The following EDIL3 variants were observed in gnomAD, a reference collection of about 807,000 sequenced individuals.
The protein encoded by EDIL3 is EGF-like repeat and discoidin I-like domain-containing protein 3.
EDIL3 carries 37 observed loss-of-function variants against 67.4 expected under a neutral mutation model. That is an observed-to-expected ratio of 0.55 (90% CI 0.42 to 0.72). The LOEUF (loss-of-function observed/expected upper bound fraction) is 0.72. Ranked by LOEUF, EDIL3 falls within the 30% of genes least tolerant of loss-of-function variation. EDIL3 has a pLI of 0.00. For missense variants in EDIL3, 527 were observed against 586.3 expected, an observed-to-expected ratio of 0.90 and a Z score of 1.04; for synonymous variants, 195 against 196.3, an observed-to-expected ratio of 0.99 and a Z score of 0.05.
At chr5:84,129,512 A>G (rs1293315904) in intron 5 of EDIL3, among the ~76,000 whole-genome samples, 2 of 152,028 alleles carry the variant, frequency 1.3e-5, no homozygotes, top group Admixed American at 1.3e-4. Flanking sequence ...GCCTGAGGCA[A>G]ACTGTCCTTC....
intron 8 of EDIL3, among the ~76,000 whole-genome samples, chr5:84,060,791 T>C (rs1214756585): frequency 6.6e-6 from 1 of 152,222 alleles, no homozygotes; most frequent in Non-Finnish European, 1.5e-5. Flanking sequence ...AAATGCTCTC[T>C]CCTGTCTCAT....
At chr5:84,267,916 T>G (rs1745381811) in intron 1 of EDIL3, among the ~76,000 whole-genome samples, 1 of 152,096 alleles carries the variant, frequency 6.6e-6, no homozygotes, top group Non-Finnish European at 1.5e-5. Context: ...GCAGGCAGAC[T>G]ACCTGAGCTC....
intron 9 of EDIL3, 94 bp downstream of exon 9, chr5:84,060,206 C>T (rs1057219216): frequency 4.8e-5 from 67 of 1,401,092 alleles, no homozygotes; most frequent in Admixed American, 1.1e-4. Context: ...TTTAAATTAG[C>T]GTGAAGGTAA....
intron 4 of EDIL3, among the ~76,000 whole-genome samples, chr5:84,178,277 T>C (rs777564986): frequency 6.6e-6 from 1 of 152,206 alleles, no homozygotes; most frequent in Non-Finnish European, 1.5e-5. Flanking sequence ...GATGCCTGTT[T>C]ATCTGCATTT....
At chr5:84,011,817 G>A (rs1166145061) in intron 9 of EDIL3, among the ~76,000 whole-genome samples, 1 of 152,106 alleles carries the variant, frequency 6.6e-6, no homozygotes, top group Non-Finnish European at 1.5e-5. Context: ...CAAGTCTTTA[G>A]AGAGGTGGCC....
At chr5:84,170,556 T>C (rs563554434) in intron 4 of EDIL3, among the ~76,000 whole-genome samples, 1 of 152,248 alleles carries the variant, frequency 6.6e-6, no homozygotes, top group East Asian at 1.9e-4. Context: ...AAATAAGTTA[T>C]TTCCTCACAT....
intron 9 of EDIL3, among the ~76,000 whole-genome samples, chr5:83,998,253 A>C (rs1437361236): frequency 6.6e-6 from 1 of 152,164 alleles, no homozygotes; most frequent in Non-Finnish European, 1.5e-5. Flanking sequence ...CAACTTGGAC[A>C]TAGTAAAATA....
In EDIL3 at chr5:84,013,195, A is replaced by G. The variant is rs910682752; in HGVS notation, c.1137+47105T>C. 4.6e-5 allele frequency among the ~76,000 whole-genome samples: 7 copies of G among 152,110 alleles called. No homozygotes were observed. The East Asian group carries it at 1.3e-3, about 29-fold the overall frequency. Reference sequence around the variant, plus strand: ...TAATCATATACATATGTGTGTATATATATATGATATAACGTATCCTGTACA... The same window carrying G: ...TAATCATATACATATGTGTGTATATGTATATGATATAACGTATCCTGTACA... On this transcript the variant is annotated intron_variant, in intron 9 of 10. Coordinates refer to ENST00000296591, the MANE Select transcript of EDIL3 (RefSeq NM_005711.5).
intron 5 of EDIL3, among the ~76,000 whole-genome samples, chr5:84,126,252 T>C (rs541117317): frequency 6.6e-6 from 1 of 152,226 alleles, no homozygotes; most frequent in African/African-American, 2.4e-5. Flanking sequence ...AATGGCTCAT[T>C]GACAGCTTTT....
chr5:84,279,028 T>C (rs185477473), intron 1 of EDIL3, among the ~76,000 whole-genome samples: 3 of 152,302 alleles, frequency 2.0e-5, no homozygotes, highest in African/African-American at 7.2e-5. Context: ...CAATTTCCTT[T>C]CCATTCTTAA....
At chr5:84,187,910 A>G (rs1008714935) in intron 3 of EDIL3, among the ~76,000 whole-genome samples, 10 of 152,150 alleles carry the variant, frequency 6.6e-5, no homozygotes, top group Middle Eastern at 3.4e-3. Flanking sequence ...ATTTGAGGAT[A>G]AAAATCGTCT....
At chr5:84,239,839 T>C (rs918584706) in intron 2 of EDIL3, among the ~76,000 whole-genome samples, 1 of 152,228 alleles carries the variant, frequency 6.6e-6, no homozygotes, top group Non-Finnish European at 1.5e-5. Flanking sequence ...TCACATGTAG[T>C]TGATTAAAGT....
chr5:84,370,300 T>G (rs1011691704), intron 1 of EDIL3, among the ~76,000 whole-genome samples: 1 of 152,192 alleles, frequency 6.6e-6, no homozygotes, highest in Non-Finnish European at 1.5e-5. Context: ...CAGAGCTGTT[T>G]AGAAGGTTCT....
chr5:84,278,048 A>G (rs1745623993), intron 1 of EDIL3, among the ~76,000 whole-genome samples: 2 of 152,134 alleles, frequency 1.3e-5, no homozygotes, highest in South Asian at 4.1e-4. Flanking sequence ...TTTTTAAGTC[A>G]CAGCTCATAT....
At chr5:84,197,879 A>C (rs1181905532) in intron 3 of EDIL3, among the ~76,000 whole-genome samples, 1 of 151,852 alleles carries the variant, frequency 6.6e-6, no homozygotes, top group Non-Finnish European at 1.5e-5. Flanking sequence ...ACATTTAAGC[A>C]AGAAATGGCT....
chr5:84,371,200 T>G (rs1747836891), intron 1 of EDIL3, among the ~76,000 whole-genome samples: 1 of 150,848 alleles, frequency 6.6e-6, no homozygotes, highest in South Asian at 2.1e-4. Flanking sequence ...TGTGTGAGCA[T>G]GAGTTACTTG....
intron 1 of EDIL3, among the ~76,000 whole-genome samples, chr5:84,304,393 AC>A (rs570315775): frequency 5.9e-5 from 9 of 152,178 alleles, no homozygotes; most frequent in Non-Finnish European, 1.2e-4. Flanking sequence ...TCAATGTGTT[AC>A]AGAACATCTA....
At chr5:84,085,289 G>A (rs923062491) in intron 6 of EDIL3, among the ~76,000 whole-genome samples, 12 of 152,098 alleles carry the variant, frequency 7.9e-5, no homozygotes, top group African/African-American at 2.4e-4. Flanking sequence ...GCATTTTTGC[G>A]CTGATTTTTC....
At chr5:84,384,220 G>C (rs1051025192) in intron 1 of EDIL3, 88 bp downstream of exon 1, 7 of 1,491,536 alleles carry the variant, frequency 4.7e-6, no homozygotes, top group Middle Eastern at 2.0e-4. Context: ...TGGCACGCCG[G>C]AGGGACCGCC....
Sources: allele counts gnomAD v4.1 joint callset (sites outside exome capture counted in the v4.1 genomes callset), GRCh38; gene constraint gnomAD v4.1.1; transcripts MANE v1.5; gene names NCBI Gene and HGNC (gene_info 2026-07-23, HGNC 2026-07-21).